Variants in RAD51B observed in about 807,000 individuals in gnomAD.
The protein encoded by RAD51B is DNA repair protein RAD51 homolog 2.
In RAD51B, 38 loss-of-function variants were observed where a neutral mutation model predicts 42.2. The observed-to-expected ratio is 0.90, with a 90% confidence interval of 0.70 to 1.18. The LOEUF (loss-of-function observed/expected upper bound fraction) is 1.18, where lower values mean the gene tolerates loss of function less well. RAD51B is among the 50% of genes most tolerant of loss of function. The pLI is 0.00. For missense variants in RAD51B, 373 were observed against 400.7 expected, an observed-to-expected ratio of 0.93 and a Z score of 0.59; for synonymous variants, 154 against 145.2, an observed-to-expected ratio of 1.06 and a Z score of -0.43.
intron 11 of RAD51B, among the ~76,000 whole-genome samples, chr14:68,665,225 A>G (rs1212860749): frequency 2.0e-5 from 3 of 152,266 alleles, no homozygotes; most frequent in African/African-American, 7.2e-5. Flanking sequence ...CCGGAGGGCA[A>G]TGCCATGGGA....
At chr14:68,413,290 AGGTCAAATGCAGGCCAGT>A (rs1300987129) in intron 9 of RAD51B, among the ~76,000 whole-genome samples, 1 of 152,200 alleles carries the variant, frequency 6.6e-6, no homozygotes, top group Non-Finnish European at 1.5e-5. Flanking sequence ...TTGGCTGATA[AGGTCAAATGCAGGCCAGT>A]GGTCATAAGG....
intron 9 of RAD51B, among the ~76,000 whole-genome samples, chr14:68,421,238 A>G (rs901339411): frequency 2.0e-5 from 3 of 152,100 alleles, no homozygotes; most frequent in African/African-American, 4.8e-5. Flanking sequence ...AGCTTATCAC[A>G]CATGTGGCTA....
intron 10 of RAD51B, among the ~76,000 whole-genome samples, chr14:68,628,110 C>T (rs993651631): frequency 2.0e-5 from 3 of 152,208 alleles, no homozygotes; most frequent in African/African-American, 7.2e-5. Context: ...CCGAAGATGG[C>T]GCATCTTCCA....
At chr14:68,531,333 A>C (rs149232960) in intron 10 of RAD51B, among the ~76,000 whole-genome samples, 1 of 152,324 alleles carries the variant, frequency 6.6e-6, no homozygotes. Context: ...ATATCAGATT[A>C]GAATTTTTAA....
intron 11 of RAD51B, among the ~76,000 whole-genome samples, chr14:68,667,655 C>G (rs768826744): frequency 6.6e-6 from 1 of 152,142 alleles, no homozygotes; most frequent in Admixed American, 6.6e-5. Context: ...AATAATGAAC[C>G]CTTGACAAAG....
At chr14:67,887,460 C>T in intron 7 of RAD51B, 1 of 294,490 alleles carries the variant, frequency 3.4e-6, no homozygotes. Flanking sequence ...TTCCTATAGT[C>T]CCTCCTTTTC....
intron 9 of RAD51B, among the ~76,000 whole-genome samples, chr14:68,426,873 G>A (rs890179161): frequency 6.6e-6 from 1 of 152,132 alleles, no homozygotes; most frequent in Admixed American, 6.5e-5. Context: ...CTCTAGGAGG[G>A]CAGATGGTTT....
intron 9 of RAD51B, among the ~76,000 whole-genome samples, chr14:68,462,131 T>TAGCA (rs1332309037): frequency 2.6e-5 from 4 of 152,206 alleles, no homozygotes; most frequent in Non-Finnish European, 4.4e-5. Flanking sequence ...TAGAAACAGG[T>TAGCA]AGCAGTATTT....
rs567346597 is a variant in RAD51B, at chr14:67,999,898, T to A, written c.756+112694T>A. On this transcript the variant is annotated intron_variant, in intron 7 of 10. Coordinates refer to ENST00000471583, the MANE Select transcript of RAD51B (RefSeq NM_133510.4). Reference sequence around the variant, plus strand: ...GACATTCTACTTTTAAGGAACTAAATGAGCAAGGGCTCAAAGGTGTAAAAC... The same window carrying A: ...GACATTCTACTTTTAAGGAACTAAAAGAGCAAGGGCTCAAAGGTGTAAAAC... 6.0e-4 allele frequency among the ~76,000 whole-genome samples: 91 copies of A among 152,258 alleles called. 1 individual carries two copies. Among genetic ancestry groups the A allele is most frequent in the African/African-American group, 2.0e-3 (84 of 41,556 alleles).
At chr14:68,358,401 G>A (rs1343365516) in intron 8 of RAD51B, among the ~76,000 whole-genome samples, 3 of 152,188 alleles carry the variant, frequency 2.0e-5, no homozygotes, top group Non-Finnish European at 1.5e-5. Context: ...GTTGATGATC[G>A]ATGGGTCCGA....
intron 7 of RAD51B, among the ~76,000 whole-genome samples, chr14:68,283,247 G>A (rs1643928346): frequency 6.6e-6 from 1 of 152,126 alleles, no homozygotes; most frequent in Non-Finnish European, 1.5e-5. Flanking sequence ...CAGAAACTCG[G>A]GGAGCTGCTG....
intron 10 of RAD51B, among the ~76,000 whole-genome samples, chr14:68,573,971 AGTGT>A (rs1555427935): frequency 7.4e-5 from 6 of 81,354 alleles, no homozygotes; most frequent in African/African-American, 3.1e-4. Context: ...TGTGGGTGTC[AGTGT>A]GTGTATGTGT....
At chr14:68,359,342 A>G (rs2082972134) in intron 8 of RAD51B, among the ~76,000 whole-genome samples, 1 of 151,930 alleles carries the variant, frequency 6.6e-6, no homozygotes, top group Non-Finnish European at 1.5e-5. Flanking sequence ...TTTCTGGGTG[A>G]TTGGATTCCT....
At chr14:68,267,005 G>T (rs1244195234) in intron 7 of RAD51B, among the ~76,000 whole-genome samples, 1 of 152,200 alleles carries the variant, frequency 6.6e-6, no homozygotes, top group Non-Finnish European at 1.5e-5. Flanking sequence ...TCAGAATTCT[G>T]AATCAGCTCT....
intron 10 of RAD51B, among the ~76,000 whole-genome samples, chr14:68,529,114 G>A (rs904089884): frequency 6.6e-6 from 1 of 152,260 alleles, no homozygotes; most frequent in African/African-American, 2.4e-5. Context: ...CCTGTGGAAT[G>A]AGAGGGACTA....
At chr14:68,020,544 C>G (rs552122012) in intron 7 of RAD51B, among the ~76,000 whole-genome samples, 14 of 152,192 alleles carry the variant, frequency 9.2e-5, no homozygotes, top group Admixed American at 2.6e-4. Context: ...TAGGAAAAAA[C>G]TACCTAAAAT....
At chr14:68,641,471 G>C (rs1892458539) in intron 10 of RAD51B, among the ~76,000 whole-genome samples, 1 of 150,054 alleles carries the variant, frequency 6.7e-6, no homozygotes, top group African/African-American at 2.5e-5. Flanking sequence ...GCATTATTTA[G>C]GACTTCCAGT....
chr14:68,576,935 A>G (rs1047983939), intron 10 of RAD51B, among the ~76,000 whole-genome samples: 1 of 152,198 alleles, frequency 6.6e-6, no homozygotes, highest in African/African-American at 2.4e-5. Context: ...TAGGAAAAAA[A>G]TGGTAGATGA....
At chr14:68,220,498 C>T (rs558055159) in intron 7 of RAD51B, among the ~76,000 whole-genome samples, 1 of 152,288 alleles carries the variant, frequency 6.6e-6, no homozygotes, top group African/African-American at 2.4e-5. Context: ...GACACACACA[C>T]AGCCAACATT....
Sources: gnomAD v4.1 joint callset for allele counts (sites outside exome capture counted in the v4.1 genomes callset) on GRCh38, gnomAD v4.1.1 for gene constraint, MANE v1.5 for transcripts, NCBI Gene and HGNC (gene_info 2026-07-23, HGNC 2026-07-21) for gene names.